Variants in POGZ observed in about 807,000 individuals in gnomAD.
POGZ encodes the protein pogo transposable element with ZNF domain.
In POGZ, 17 loss-of-function variants were observed where a neutral mutation model predicts 134.6. The ratio of observed to expected loss-of-function variants is 0.13; its 90% CI spans 0.09 to 0.19. The LOEUF (loss-of-function observed/expected upper bound fraction) is 0.19. Ranked by LOEUF, POGZ falls within the 10% of genes least tolerant of loss-of-function variation. POGZ has a pLI of 1.00. For synonymous variants in POGZ, 693 were observed against 657.1 expected (o/e 1.05, Z -0.84); for missense variants, 1,306 against 1,769.7 (o/e 0.74, Z 4.70).
chr1:151,427,204 T>C (rs1657937743), intron 7 of POGZ: 1 of 152,948 alleles, frequency 6.5e-6, no homozygotes, highest in South Asian at 2.1e-4. Flanking sequence ...CCACTATACC[T>C]TGCGGTTTTT....
chr1:151,409,981 G>A (rs1654384501), intron 12 of POGZ, among the ~76,000 whole-genome samples: 1 of 152,174 alleles, frequency 6.6e-6, no homozygotes, highest in Non-Finnish European at 1.5e-5. Flanking sequence ...TACAGTTGTG[G>A]TAGACAATCA....
At chr1:151,420,690 G>C (rs1656735313) in intron 10 of POGZ, among the ~76,000 whole-genome samples, 1 of 151,996 alleles carries the variant, frequency 6.6e-6, no homozygotes. Context: ...CCAGCAACAT[G>C]TATCTAGTGA....
chr1:151,403,120 GAT>G lies in POGZ; in HGVS notation c.*1680_*1681del, dbSNP rs887641750. ...CCAGATGGATCCTTGGTTGTTTTCA[GAT>G]GTCAAAGGTTCACAAAGCTGGCCAA... On this transcript the variant is annotated 3_prime_UTR_variant, in exon 19 of 19. Coordinates refer to ENST00000271715, the MANE Select transcript of POGZ (RefSeq NM_015100.4). 2.0e-5 allele frequency: 13 copies of G among 642,076 alleles called. No homozygotes were observed. In the African/African-American group the frequency reaches 2.4e-4, roughly 12 times the overall value. The allele number at this position is 642,076 out of a possible 1,614,324, so 39.8% of individuals were successfully genotyped here.
chr1:151,423,678 A>T (rs1217047691), intron 9 of POGZ, 127 bp from the exon 10 acceptor site: 1 of 776,320 alleles, frequency 1.3e-6, no homozygotes, highest in African/African-American at 1.7e-5. Context: ...CCTGTTTGGG[A>T]TATCCTTTTC....
chr1:151,451,824 C>T (rs951535002), intron 1 of POGZ, among the ~76,000 whole-genome samples: 22 of 151,428 alleles, frequency 1.5e-4, no homozygotes, highest in African/African-American at 4.8e-4. Flanking sequence ...CGGCTGGACG[C>T]GGTGGCTCAC....
rs1244961920 is a variant in POGZ, at chr1:151,404,901, T to C, written c.4134A>G (p.Thr1378=). The C allele has an allele frequency of 6.2e-7, 1 of 1,614,180 alleles. No individual in the cohort carries two copies. The highest frequency in any genetic ancestry group is 1.1e-5 in the South Asian group (1 of 91,090). Residue 1378 remains threonine, a synonymous_variant, in exon 19 of 19, where the codon ACA becomes ACG. Transcript: ENST00000271715. ...TPRPRSSPEE[T]IEPESLHQLF... is the part of the protein sequence containing the mutation. Reference sequence around the variant, plus strand: ...GCTGGTGAAGACTTTCAGGCTCAATTGTCTCTTCAGGAGATGATCTGGGTC... The same window carrying C: ...GCTGGTGAAGACTTTCAGGCTCAATCGTCTCTTCAGGAGATGATCTGGGTC...
At chr1:151,432,835 T>A (rs1302548109) in intron 3 of POGZ, among the ~76,000 whole-genome samples, 2 of 152,200 alleles carry the variant, frequency 1.3e-5, no homozygotes, top group African/African-American at 4.8e-5. Flanking sequence ...TTATTCAATA[T>A]CAAATACCCA....
At chr1:151,419,893 A>G (rs1656590620) in intron 10 of POGZ, among the ~76,000 whole-genome samples, 1 of 152,098 alleles carries the variant, frequency 6.6e-6, no homozygotes, top group South Asian at 2.1e-4. Context: ...ATAAGGAAAA[A>G]CTTATCTTCC....
In POGZ at chr1:151,423,850, G is replaced by A. The variant is rs1414791380; in HGVS notation, c.1523+99C>T. On this transcript the variant is annotated intron_variant, in intron 9 of 18. Coordinates refer to ENST00000271715, the MANE Select transcript of POGZ (RefSeq NM_015100.4). ...ATGATAACCCCAGCAAGACTGCATA[G>A]TAGTTAGGTCCATTCTCCAAAGAGA... 1.1e-5 allele frequency: 10 copies of A among 873,226 alleles called. No individual in the cohort carries two copies. In the Admixed American group the frequency reaches 1.4e-4, roughly 12 times the overall value. 54.1% of individuals were successfully genotyped at this position (873,226 alleles called of 1,614,324 possible).
intron 1 of POGZ, chr1:151,451,108 G>C (rs2102415275): frequency 6.6e-6 from 1 of 151,668 alleles, no homozygotes; most frequent in South Asian, 2.1e-4. Context: ...TGTAATCCCA[G>C]CTATTCAGGA....
chr1:151,416,210 C>CAAAAAAAAAAAAAAAAAA (rs1212371839), intron 10 of POGZ, among the ~76,000 whole-genome samples: 8 of 42,752 alleles, frequency 1.9e-4, no homozygotes, highest in Non-Finnish European at 2.3e-4. Flanking sequence ...AACTCCATCT[C>CAAAAAAAAAAAAAAAAAA]AAAAAAAAAA....
At chr1:151,438,428 T>C (rs1183070952) in intron 3 of POGZ, among the ~76,000 whole-genome samples, 2 of 152,182 alleles carry the variant, frequency 1.3e-5, no homozygotes, top group African/African-American at 2.4e-5. Flanking sequence ...GGGTTATGGG[T>C]TAACATTTTA....
intron 1 of POGZ, among the ~76,000 whole-genome samples, chr1:151,444,795 C>T (rs935953033): frequency 2.6e-5 from 4 of 152,160 alleles, no homozygotes; most frequent in Non-Finnish European, 5.9e-5. Context: ...TTCCATTTGA[C>T]CTTCTGAGAG....
chr1:151,434,865 T>C (rs538344954), intron 3 of POGZ, among the ~76,000 whole-genome samples: 2 of 152,044 alleles, frequency 1.3e-5, no homozygotes, highest in Admixed American at 1.3e-4. Context: ...GCAACTAACT[T>C]TCTCCCTCTA....
At chr1:151,412,191 T>C (rs899845126) in intron 11 of POGZ, 105 bp downstream of exon 11, 1 of 643,530 alleles carries the variant, frequency 1.6e-6, no homozygotes, top group Non-Finnish European at 2.8e-6. Flanking sequence ...TCAGAGTTCC[T>C]AAACTGAGTG....
chr1:151,406,244 G>C lies in POGZ; in HGVS notation c.2791C>G (p.Pro931Ala). ...PTHPQALALP[P>A]LATEGAECLN... ...CATTCGGCTCCCTCTGTAGCCAGCG[G>C]TGGAAGGGCTAAAGCCTGCGGGTGA... Residue 931 changes from proline to alanine, a missense_variant, in exon 19 of 19, where the codon CCG becomes GCG. By Grantham distance (27) the Pro-to-Ala change is conservative (BLOSUM62 -1). Coordinates refer to ENST00000271715, the MANE Select transcript of POGZ (RefSeq NM_015100.4). 6.2e-7 allele frequency: 1 copy of C among 1,614,122 alleles called. No individual in the cohort carries two copies. The highest frequency in any genetic ancestry group is 8.5e-7 in the Non-Finnish European group (1 of 1,180,006).
chr1:151,424,004 C>T lies in POGZ; in HGVS notation c.1468G>A (p.Val490Ile), dbSNP rs1170752164. The change falls in exon 9 of 19, where the codon GTC (valine) becomes ATC (isoleucine). Residue 490 changes from valine to isoleucine, a missense_variant. Transcript: ENST00000271715. ...TGTGGGCATCGGAAAGATGTGGCGA[C>T]CTTAGGGAAATTTGTGAGCTGGGCT... The part of the protein sequence containing the change: ...KVAQLTNFPK[V>I]ATSFRCPHCT... 2.5e-6 allele frequency: 4 copies of T among 1,614,036 alleles called. No homozygotes were observed. In the African/African-American group the frequency reaches 4.0e-5, roughly 16 times the overall value.
intron 1 of POGZ, among the ~76,000 whole-genome samples, chr1:151,453,394 A>G (rs1309350335): frequency 1.3e-5 from 2 of 151,854 alleles, no homozygotes; most frequent in African/African-American, 4.8e-5. Context: ...TTCTTGATTT[A>G]TTCCCAGGAC....
intron 3 of POGZ, among the ~76,000 whole-genome samples, chr1:151,434,368 G>C (rs1659236044): frequency 6.6e-6 from 1 of 152,024 alleles, no homozygotes; most frequent in African/African-American, 2.4e-5. Context: ...CAGCTACTTG[G>C]GGGGCCGAGG....
Sources: gnomAD v4.1 joint callset for allele counts (sites outside exome capture counted in the v4.1 genomes callset) on GRCh38, gnomAD v4.1.1 for gene constraint, MANE v1.5 for transcripts, NCBI Gene and HGNC (gene_info 2026-07-23, HGNC 2026-07-21) for gene names.